TMEM14C: variants seen among roughly 807,000 people sequenced by gnomAD.
TMEM14C encodes the protein transmembrane protein 14C.
In TMEM14C, 13 loss-of-function variants were observed where a neutral mutation model predicts 14.8. The ratio of observed to expected loss-of-function variants is 0.88; its 90% CI spans 0.57 to 1.40. TMEM14C has a LOEUF of 1.40. Ranked by LOEUF, TMEM14C falls within the 40% of genes most tolerant of loss-of-function variation. TMEM14C has a pLI of 0.00. For missense variants in TMEM14C, 142 were observed against 138.8 expected (o/e 1.02, Z -0.12); for synonymous variants, 57 against 51.3 (o/e 1.11, Z -0.48).
At chr6:10,726,390 C>T (rs1200446332) in intron 4 of TMEM14C, among the ~76,000 whole-genome samples, 2 of 152,192 alleles carry the variant, frequency 1.3e-5, no homozygotes, top group African/African-American at 4.8e-5. Context: ...TTGAAAATCA[C>T]CTCTTTAGCA....
intron 3 of TMEM14C, among the ~76,000 whole-genome samples, chr6:10,725,286 G>A (rs1233141216): frequency 6.6e-6 from 1 of 152,136 alleles, no homozygotes; most frequent in Non-Finnish European, 1.5e-5. Flanking sequence ...AGGGGCGGTT[G>A]TAGTTTGTTA....
chr6:10,724,776 T>C, intron 2 of TMEM14C, 143 bp downstream of exon 2: 1 of 1,308,606 alleles, frequency 7.6e-7, no homozygotes, highest in Non-Finnish European at 1.1e-6. Context: ...GCCAGAAACT[T>C]GGGTTTGAGT....
rs1192658275 is a variant in TMEM14C at position 10,723,591 on chromosome 6, A to ATTTTT, written c.-45+352_-45+353insTTTTT. Among the ~76,000 whole-genome samples the ATTTTT allele has an allele frequency of 1.7e-4, 17 of 97,946 alleles. 1 individual carries two copies. Among genetic ancestry groups the ATTTTT allele is most frequent in the African/African-American group, 7.7e-4 (16 of 20,842 alleles). 64.3% of individuals were successfully genotyped at this position (97,946 alleles called of 152,430 possible). A position where few individuals can be genotyped will look rare whatever the true frequency, so the allele number is the denominator to read the frequency against. ...CCCTTCCCTGTTTTATGGAAACTTAATTCTTTTTTTTTTTTTTTTTGTCCT... is the reference window on the plus strand; with the variant it reads ...CCCTTCCCTGTTTTATGGAAACTTAATTTTTTTCTTTTTTTTTTTTTTTTTGTCCT... On this transcript the variant is annotated intron_variant, in intron 1 of 5. Coordinates refer to ENST00000229563, the MANE Select transcript of TMEM14C (RefSeq NM_016462.4).
chr6:10,729,423 G>C (rs577216744), intron 5 of TMEM14C, among the ~76,000 whole-genome samples: 1 of 152,220 alleles, frequency 6.6e-6, no homozygotes, highest in Admixed American at 6.5e-5. Flanking sequence ...GTGACCCACT[G>C]CGGCTGGCCC....
chr6:10,728,544 T>G, intron 4 of TMEM14C, 96 bp from the exon 5 acceptor site: 6 of 1,291,154 alleles, frequency 4.6e-6, no homozygotes, highest in Non-Finnish European at 5.5e-6. Flanking sequence ...GGATGAGGCG[T>G]GAGCCTTGAG....
intron 1 of TMEM14C, among the ~76,000 whole-genome samples, chr6:10,723,594 C>CTTTTTTTT (rs34904534): frequency 1.3e-4 from 15 of 118,710 alleles, no homozygotes; most frequent in African/African-American, 4.8e-4. Flanking sequence ...AAACTTAATT[C>CTTTTTTTT]TTTTTTTTTT....
rs1384647261 is a variant in TMEM14C, at chr6:10,728,807, C to T, written c.287+80C>T. ...GATACCTTATGCATTCAAAACCTTACTTGTTTCAGGATATCTGATGCTATG... is the reference window on the plus strand; with the variant it reads ...GATACCTTATGCATTCAAAACCTTATTTGTTTCAGGATATCTGATGCTATG... On this transcript the variant is annotated intron_variant, in intron 5 of 5. Coordinates refer to ENST00000229563, the MANE Select transcript of TMEM14C (RefSeq NM_016462.4). 2.5e-6 allele frequency: 4 copies of T among 1,600,040 alleles called. No homozygotes were observed. In the African/African-American group the frequency reaches 4.0e-5, roughly 16 times the overall value.
chr6:10,727,046 G>C (rs1289620553), intron 4 of TMEM14C, among the ~76,000 whole-genome samples: 1 of 152,156 alleles, frequency 6.6e-6, no homozygotes, highest in Non-Finnish European at 1.5e-5. Flanking sequence ...AGAATGACTT[G>C]AGCCTGCATT....
At chr6:10,725,194 C>T (rs1019541226) in intron 3 of TMEM14C, among the ~76,000 whole-genome samples, 157 bp downstream of exon 3, 1 of 152,136 alleles carries the variant, frequency 6.6e-6, no homozygotes, top group African/African-American at 2.4e-5. Context: ...CAGCTCCTGC[C>T]CTTGCCCTTT....
At chr6:10,723,901 G>A (rs1253664718) in intron 1 of TMEM14C, among the ~76,000 whole-genome samples, 2 of 152,158 alleles carry the variant, frequency 1.3e-5, no homozygotes, top group Non-Finnish European at 2.9e-5. Context: ...ACTGCGCTTG[G>A]CCTAATTCTT....
chr6:10,728,805 T>G (rs1770945776), intron 5 of TMEM14C, 78 bp downstream of exon 5: 1 of 1,602,312 alleles, frequency 6.2e-7, no homozygotes, highest in Middle Eastern at 1.7e-4. Flanking sequence ...TTCAAAACCT[T>G]ACTTGTTTCA....
At chr6:10,724,482 T>C in intron 1 of TMEM14C, 88 bp from the exon 2 acceptor site, 1 of 804,342 alleles carries the variant, frequency 1.2e-6, no homozygotes, top group Non-Finnish European at 2.1e-6. Context: ...GAGACTTAGG[T>C]TGCGTAGCTT....
intron 4 of TMEM14C, among the ~76,000 whole-genome samples, chr6:10,727,120 G>T (rs1417815329): frequency 6.6e-6 from 1 of 152,100 alleles, no homozygotes; most frequent in African/African-American, 2.4e-5. Flanking sequence ...GGAAAAAACA[G>T]CAGCCATCAG....
At chr6:10,724,101 G>A (rs572708647) in intron 1 of TMEM14C, among the ~76,000 whole-genome samples, 7 of 152,328 alleles carry the variant, frequency 4.6e-5, no homozygotes, top group South Asian at 4.1e-4. Flanking sequence ...GGACGCAGAA[G>A]TTTCTAAAAA....
chr6:10,724,758 A>G, intron 2 of TMEM14C, 125 bp downstream of exon 2: 1 of 1,354,042 alleles, frequency 7.4e-7, no homozygotes, highest in South Asian at 1.2e-5. Flanking sequence ...GGATCACTGG[A>G]CCTGTGGGCC....
At chr6:10,728,919 A>G in intron 5 of TMEM14C, 192 bp downstream of exon 5, 3 of 1,344,784 alleles carry the variant, frequency 2.2e-6, no homozygotes, top group Non-Finnish European at 3.0e-6. Context: ...GAGTATATCC[A>G]TTCACCGTGG....
rs769238841 is a variant in TMEM14C at position 10,730,597 on chromosome 6, C to G, written c.288-18C>G. The G allele has an allele frequency of 3.2e-5, 52 of 1,610,828 alleles. No individual in the cohort carries two copies. Among genetic ancestry groups the G allele is most frequent in the Non-Finnish European group, 4.4e-5 (52 of 1,178,042 alleles). On this transcript the variant is annotated intron_variant, in intron 5 of 5. Coordinates refer to ENST00000229563, the MANE Select transcript of TMEM14C (RefSeq NM_016462.4). ...CTGTCCTTTACCTGACATTTTCTAT[C>G]TTGTTTCTTTTAAACAGTTTGCTGA... is the stretch of plus-strand genomic sequence containing the variant.
intron 4 of TMEM14C, 97 bp from the exon 5 acceptor site, chr6:10,728,543 G>A (rs1344444830): frequency 8.6e-6 from 11 of 1,280,364 alleles, no homozygotes; most frequent in Non-Finnish European, 1.2e-5. Flanking sequence ...AGGATGAGGC[G>A]TGAGCCTTGA....
intron 2 of TMEM14C, 110 bp downstream of exon 2, chr6:10,724,743 T>G: frequency 7.4e-7 from 1 of 1,352,722 alleles, no homozygotes; most frequent in Non-Finnish European, 1.0e-6. Context: ...GCATGGGGGA[T>G]GGGAGGATCA....
Sources: gnomAD v4.1 joint callset for allele counts (sites outside exome capture counted in the v4.1 genomes callset) on GRCh38, gnomAD v4.1.1 for gene constraint, MANE v1.5 for transcripts, NCBI Gene and HGNC (gene_info 2026-07-23, HGNC 2026-07-21) for gene names.